The following NPEPPS variants were observed in gnomAD, a reference collection of about 807,000 sequenced individuals.
The protein encoded by NPEPPS is puromycin-sensitive aminopeptidase.
A neutral mutation model predicts 115.5 loss-of-function variants in NPEPPS; 14 were observed. The observed-to-expected ratio is 0.12, with a 90% CI of 0.08 to 0.19. The LOEUF (loss-of-function observed/expected upper bound fraction) is 0.19, where lower values mean the gene tolerates loss of function less well. Among genes scored for constraint, NPEPPS ranks in the 10% least tolerant of loss-of-function variants. The pLI, the probability that NPEPPS is intolerant of heterozygous loss-of-function variation, is 1.00. For missense variants in NPEPPS, 523 were observed against 1,110.8 expected, an observed-to-expected ratio of 0.47 and a Z score of 7.52; for synonymous variants, 285 against 390.6, an observed-to-expected ratio of 0.73 and a Z score of 3.19.
At chr17:47,539,276 A>G (rs1400468618) in intron 1 of NPEPPS, among the ~76,000 whole-genome samples, 3 of 152,230 alleles carry the variant, frequency 2.0e-5, no homozygotes, top group Middle Eastern at 3.4e-3. Flanking sequence ...TCTAATCTGT[A>G]TGTGAGTCAG....
intron 19 of NPEPPS, among the ~76,000 whole-genome samples, 184 bp downstream of exon 19, chr17:47,613,909 T>A (rs1337966762): frequency 6.6e-6 from 1 of 151,478 alleles, no homozygotes; most frequent in African/African-American, 2.4e-5. Context: ...GTATTATCAG[T>A]ATGATGCCAA....
chr17:47,549,337 CA>C (rs886733894), intron 2 of NPEPPS, among the ~76,000 whole-genome samples: 3 of 146,704 alleles, frequency 2.0e-5, no homozygotes, highest in African/African-American at 2.5e-5. Flanking sequence ...GACTCTGTCT[CA>C]AAAAAAAAAT....
At chr17:47,541,466 T>G (rs1324655488) in intron 1 of NPEPPS, among the ~76,000 whole-genome samples, 2 of 151,946 alleles carry the variant, frequency 1.3e-5, no homozygotes, top group Non-Finnish European at 2.9e-5. Context: ...AACCTCCGCC[T>G]CCTGGGTTCA....
intron 13 of NPEPPS, among the ~76,000 whole-genome samples, chr17:47,599,150 A>G (rs1192587359): frequency 6.6e-6 from 1 of 152,176 alleles, no homozygotes; most frequent in Non-Finnish European, 1.5e-5. Flanking sequence ...ATTCTGAATC[A>G]ATGTAAAAGG....
At chr17:47,612,730 C>G in intron 18 of NPEPPS, 128 bp downstream of exon 18, 1 of 782,900 alleles carries the variant, frequency 1.3e-6, no homozygotes, top group Non-Finnish European at 1.9e-6. Flanking sequence ...GTGGCATGAT[C>G]TCGGCTCACT....
chr17:47,587,023 GTGTCAC>G, intron 8 of NPEPPS: 1 of 480,056 alleles, frequency 2.1e-6, no homozygotes, highest in East Asian at 4.0e-5. Context: ...AATTAAACTT[GTGTCAC>G]ATCTTTGATA....
chr17:47,622,744 A>C lies in NPEPPS; in HGVS notation c.*824A>C, dbSNP rs1026194460. The C allele has an allele frequency of 2.0e-5, 8 of 401,272 alleles. No homozygotes were observed. Among genetic ancestry groups the C allele is most frequent in the African/African-American group, 1.5e-4 (7 of 46,766 alleles). 24.9% of individuals were successfully genotyped at this position (401,272 alleles called of 1,614,324 possible). A position where few individuals can be genotyped will look rare whatever the true frequency, so the allele number is the denominator to read the frequency against. ...TTTCTTTTTAAAGATGACTTATAAGAACCCTGAAATTTATATAGGTGAGAC... is the reference window on the plus strand; with the variant it reads ...TTTCTTTTTAAAGATGACTTATAAGCACCCTGAAATTTATATAGGTGAGAC... On this transcript the variant is annotated 3_prime_UTR_variant, in exon 23 of 23. Coordinates refer to ENST00000322157, the MANE Select transcript of NPEPPS (RefSeq NM_006310.4).
chr17:47,578,123 AC>A (rs572165039), intron 3 of NPEPPS, among the ~76,000 whole-genome samples: 6,683 of 150,582 alleles, frequency 0.044, 216 homozygotes, highest in Middle Eastern at 0.15. Context: ...AATTGCTTGA[AC>A]CCAGGAGGCG....
upstream of NPEPPS, among the ~76,000 whole-genome samples, chr17:47,528,499 A>T (rs1453065175): frequency 6.6e-6 from 1 of 152,194 alleles, no homozygotes; most frequent in Admixed American, 6.6e-5. Flanking sequence ...TGTGCTGCCC[A>T]GTACAAGAGC....
chr17:47,569,651 T>G (rs997848229), intron 3 of NPEPPS, among the ~76,000 whole-genome samples, 157 bp downstream of exon 3: 1 of 151,342 alleles, frequency 6.6e-6, no homozygotes, highest in Non-Finnish European at 1.5e-5. Flanking sequence ...GGAGTCTTAC[T>G]CTATTGCCCA....
chr17:47,562,794 AAAAG>A (rs941912578), intron 2 of NPEPPS, among the ~76,000 whole-genome samples: 12 of 151,870 alleles, frequency 7.9e-5, no homozygotes, highest in African/African-American at 2.9e-4. Flanking sequence ...GTAAAAAAAA[AAAAG>A]AATCTCTTCA....
chr17:47,535,497 GC>G (rs1440221494), intron 1 of NPEPPS, among the ~76,000 whole-genome samples: 23 of 148,142 alleles, frequency 1.6e-4, no homozygotes, highest in Non-Finnish European at 3.3e-4. Context: ...CTTGCAGTGA[GC>G]CGAGATCGCG....
rs1911522458 is a variant in NPEPPS, at chr17:47,576,361, G to A, written c.419-3029G>A. Among the ~76,000 whole-genome samples the A allele has an allele frequency of 2.0e-5, 3 of 152,236 alleles. No homozygotes were observed. The South Asian group carries it at 6.2e-4, about 32-fold the overall frequency. ...ACAAAAATTAGTCAGGCCTGGTGGC[G>A]CACGCCTGTAGTTCCAGCTAATCAG... On this transcript the variant is annotated intron_variant, in intron 3 of 22. Coordinates refer to ENST00000322157, the MANE Select transcript of NPEPPS (RefSeq NM_006310.4).
At chr17:47,568,017 T>A (rs1386136126) in intron 2 of NPEPPS, among the ~76,000 whole-genome samples, 1 of 152,210 alleles carries the variant, frequency 6.6e-6, no homozygotes, top group East Asian at 1.9e-4. Flanking sequence ...GATATATACT[T>A]AGGAATGGGA....
At chr17:47,538,534 T>C (rs974659102) in intron 1 of NPEPPS, among the ~76,000 whole-genome samples, 6 of 143,100 alleles carry the variant, frequency 4.2e-5, no homozygotes, top group Non-Finnish European at 7.6e-5. Flanking sequence ...TTCTTTTTTT[T>C]TTTTTTTTTT....
chr17:47,615,293 G>T, intron 19 of NPEPPS, among the ~76,000 whole-genome samples: 1 of 152,020 alleles, frequency 6.6e-6, no homozygotes, highest in East Asian at 1.9e-4. Flanking sequence ...GGCCAGGCAG[G>T]CCTCGAACTC....
chr17:47,595,184 G>T (rs1443992692), intron 12 of NPEPPS, among the ~76,000 whole-genome samples: 1 of 152,172 alleles, frequency 6.6e-6, no homozygotes, highest in Non-Finnish European at 1.5e-5. Context: ...GCCCACCTCG[G>T]CCTCCCAAAG....
chr17:47,622,231 G>T lies in NPEPPS; in HGVS notation c.*311G>T. Reference sequence around the variant, plus strand: ...GGTTAAAAGTATTTAACACTCTACTGTTAATGACAGATGTTCTGTTTTTAT... The same window carrying T: ...GGTTAAAAGTATTTAACACTCTACTTTTAATGACAGATGTTCTGTTTTTAT... On this transcript the variant is annotated 3_prime_UTR_variant, in exon 23 of 23. Coordinates refer to ENST00000322157, the MANE Select transcript of NPEPPS (RefSeq NM_006310.4). 2 of 347,852 alleles carry T rather than the reference G, an allele frequency of 5.7e-6. No homozygotes were observed. The highest frequency in any genetic ancestry group is 8.5e-6 in the Non-Finnish European group (2 of 236,324). 21.5% of individuals were successfully genotyped at this position (347,852 alleles called of 1,614,324 possible).
chr17:47,563,371 T>G (rs1280049842), intron 2 of NPEPPS, among the ~76,000 whole-genome samples: 1 of 152,116 alleles, frequency 6.6e-6, no homozygotes, highest in Non-Finnish European at 1.5e-5. Flanking sequence ...TAATCAAATT[T>G]TACTTCTATT....
Sources: allele counts gnomAD v4.1 joint callset (sites outside exome capture counted in the v4.1 genomes callset), GRCh38; gene constraint gnomAD v4.1.1; transcripts MANE v1.5; gene names NCBI Gene and HGNC (gene_info 2026-07-23, HGNC 2026-07-21).